Variants in CDK14 observed in about 807,000 individuals in gnomAD.
The protein encoded by CDK14 is cyclin-dependent kinase 14.
Under a neutral mutation model 60.7 loss-of-function variants are expected in CDK14, and 34 were observed. That is an observed-to-expected ratio of 0.56 (90% CI 0.43 to 0.75). CDK14 has a LOEUF of 0.75. Ranked by LOEUF, CDK14 falls within the 30% of genes least tolerant of loss-of-function variation. CDK14 has a pLI of 0.00. For missense variants in CDK14, 482 were observed against 564.1 expected, an observed-to-expected ratio of 0.85 and a Z score of 1.47; for synonymous variants, 197 against 203.7, an observed-to-expected ratio of 0.97 and a Z score of 0.28.
At chr7:90,917,761 A>C (rs779561344) in intron 8 of CDK14, 37 bp downstream of exon 8, 5 of 1,605,658 alleles carry the variant, frequency 3.1e-6, no homozygotes, top group Non-Finnish European at 4.3e-6. Flanking sequence ...ATTTTGTCAT[A>C]CTGTGAGAAT....
intron 8 of CDK14, among the ~76,000 whole-genome samples, chr7:90,948,880 CA>C (rs1354693431): frequency 6.6e-6 from 1 of 152,186 alleles, no homozygotes; most frequent in Non-Finnish European, 1.5e-5. Flanking sequence ...TGCCATATGA[CA>C]AGTCTTCCAA....
chr7:91,073,749 C>T (rs914795077), intron 11 of CDK14, among the ~76,000 whole-genome samples: 5 of 150,930 alleles, frequency 3.3e-5, no homozygotes, highest in East Asian at 2.0e-4. Flanking sequence ...GCGGTACCCA[C>T]GAGACCCATC....
chr7:91,156,585 C>A (rs747408087), intron 14 of CDK14, among the ~76,000 whole-genome samples: 10 of 152,264 alleles, frequency 6.6e-5, no homozygotes, highest in African/African-American at 2.4e-4. Flanking sequence ...AGAAGCAATT[C>A]GTACTCCCCA....
chr7:90,927,080 G>A (rs1392113924), intron 8 of CDK14, among the ~76,000 whole-genome samples: 5 of 152,168 alleles, frequency 3.3e-5, no homozygotes, highest in Non-Finnish European at 5.9e-5. Flanking sequence ...CCACAACCCA[G>A]AAGCTCTCTG....
rs116671201 is a variant in CDK14, at chr7:90,888,989, A to G, written c.640-10302A>G. On this transcript the variant is annotated intron_variant, in intron 6 of 14. Coordinates refer to ENST00000380050, the MANE Select transcript of CDK14 (RefSeq NM_001287135.2). The stretch of plus-strand genomic sequence containing the variant: ...ACTATTTGAAGAGAGCACATTTTAC[A>G]CATTCTTCTAATGCTGGAATAGCAT... Among the ~76,000 whole-genome samples the G allele has an allele frequency of 5.9e-3, 900 of 152,332 alleles. 16 individuals are homozygous for G. Among genetic ancestry groups the G allele is most frequent in the African/African-American group, 0.02 (850 of 41,570 alleles).
intron 14 of CDK14, among the ~76,000 whole-genome samples, chr7:91,149,499 C>A (rs958515851): frequency 6.6e-6 from 1 of 152,152 alleles, no homozygotes; most frequent in African/African-American, 2.4e-5. Context: ...TCTCTGTTAA[C>A]ATGTAGCTAA....
At chr7:90,933,403 C>G (rs140631385) in intron 8 of CDK14, among the ~76,000 whole-genome samples, 1 of 152,076 alleles carries the variant, frequency 6.6e-6, no homozygotes, top group African/African-American at 2.4e-5. Context: ...GATAAGGAAG[C>G]CTTATTGGTT....
intron 4 of CDK14, among the ~76,000 whole-genome samples, chr7:90,750,188 AC>A (rs764137219): frequency 0.17 from 25,110 of 150,070 alleles, 2,261 homozygotes; most frequent in South Asian, 0.21. Context: ...ACACACACAC[AC>A]ACACACACAC....
chr7:90,883,203 G>C (rs928364641), intron 6 of CDK14, among the ~76,000 whole-genome samples: 31 of 151,984 alleles, frequency 2.0e-4, no homozygotes, highest in African/African-American at 7.2e-4. Context: ...CTCCTAGCTA[G>C]ACTAATAAAG....
intron 5 of CDK14, among the ~76,000 whole-genome samples, chr7:90,794,623 T>C (rs1562773295): frequency 2.6e-5 from 4 of 152,240 alleles, no homozygotes; most frequent in Admixed American, 2.6e-4. Flanking sequence ...ACCTAATAGT[T>C]ATCTCCCTTG....
At chr7:91,194,983 C>G (rs1275286947) in intron 14 of CDK14, among the ~76,000 whole-genome samples, 1 of 152,186 alleles carries the variant, frequency 6.6e-6, no homozygotes, top group African/African-American at 2.4e-5. Flanking sequence ...TCACTGCATT[C>G]TCCAGCTCTG....
chr7:90,828,402 T>C (rs1014262604), intron 5 of CDK14, among the ~76,000 whole-genome samples: 1 of 152,238 alleles, frequency 6.6e-6, no homozygotes, highest in Non-Finnish European at 1.5e-5. Flanking sequence ...GTAATTATTT[T>C]TCTACCTTGA....
At chr7:90,992,506 G>A (rs1795568694) in intron 10 of CDK14, among the ~76,000 whole-genome samples, 1 of 152,192 alleles carries the variant, frequency 6.6e-6, no homozygotes, top group African/African-American at 2.4e-5. Context: ...TGATATTCCT[G>A]TAAGGAAAGA....
intron 2 of CDK14, among the ~76,000 whole-genome samples, chr7:90,640,679 G>C (rs1048891047): frequency 6.6e-6 from 1 of 151,968 alleles, no homozygotes; most frequent in African/African-American, 2.4e-5. Flanking sequence ...GAAAAGATAG[G>C]CCTCTGTGGT....
At position 91,024,617 on chromosome 7, in the gene CDK14, C is replaced by A. The variant is rs1206321485; in HGVS notation, c.1042-21280C>A. Among the ~76,000 whole-genome samples the A allele has an allele frequency of 3.3e-5, 5 of 152,344 alleles. No homozygotes were observed. In the East Asian group the frequency reaches 9.7e-4, roughly 29 times the overall value. On this transcript the variant is annotated intron_variant, in intron 10 of 14. Coordinates refer to ENST00000380050, the MANE Select transcript of CDK14 (RefSeq NM_001287135.2). ...AGTGAGCCGAGATTGTGCCACTGCA[C>A]TCCAGCCTGGGTTATAGAGTGAGAC... is the stretch of plus-strand genomic sequence containing the variant.
At position 90,673,159 on chromosome 7, in the gene CDK14, A is replaced by G. The variant is rs140868859; in HGVS notation, c.124-53408A>G. On this transcript the variant is annotated intron_variant, in intron 2 of 14. Transcript: ENST00000380050. ...CTCATACACAGTTCTCACATTCTTA[A>G]TAGCTTTCCATGCCTAAGGGATAGG... 2.6e-4 allele frequency among the ~76,000 whole-genome samples: 40 copies of G among 152,300 alleles called. No homozygotes were observed. In the East Asian group the frequency reaches 7.7e-3, roughly 29 times the overall value.
intron 2 of CDK14, among the ~76,000 whole-genome samples, chr7:90,704,372 C>T (rs1801851301): frequency 6.6e-6 from 1 of 152,110 alleles, no homozygotes; most frequent in Non-Finnish European, 1.5e-5. Flanking sequence ...TATCTTTAGC[C>T]AAGACATGTT....
At chr7:90,756,227 CA>C (rs745583117) in intron 4 of CDK14, among the ~76,000 whole-genome samples, 1 of 152,184 alleles carries the variant, frequency 6.6e-6, no homozygotes, top group Non-Finnish European at 1.5e-5. Context: ...CAAATAGAAG[CA>C]AACACTATTT....
chr7:90,676,180 T>A (rs1801194201), intron 2 of CDK14, among the ~76,000 whole-genome samples: 1 of 152,130 alleles, frequency 6.6e-6, no homozygotes, highest in Admixed American at 6.6e-5. Context: ...GTAAGCAAAA[T>A]GTTTAGTCTA....
Sources: allele counts gnomAD v4.1 joint callset (sites outside exome capture counted in the v4.1 genomes callset), GRCh38; gene constraint gnomAD v4.1.1; transcripts MANE v1.5; gene names NCBI Gene and HGNC (gene_info 2026-07-23, HGNC 2026-07-21).